Variants in NRXN3 observed in about 807,000 individuals in gnomAD.
NRXN3 encodes neurexin III.
NRXN3 carries 32 observed loss-of-function variants against 137.6 expected under a neutral mutation model. That is an observed-to-expected ratio of 0.23 (90% CI 0.18 to 0.31). NRXN3 has a LOEUF of 0.31. Among genes scored for constraint, NRXN3 ranks in the 10% least tolerant of loss-of-function variants. The probability of loss-of-function intolerance (pLI) is 1.00; values close to 1 mark genes in which losing one functional copy is unlikely to be tolerated. For synonymous variants in NRXN3, 798 were observed against 784.5 expected (o/e 1.02, Z -0.29); for missense variants, 1,574 against 2,062.5 (o/e 0.76, Z 4.59).
rs2071066919 is a variant in NRXN3, at chr14:79,227,140, A to AAAT, written c.3262+239000_3262+239001insATA. On this transcript the variant is annotated intron_variant, in intron 15 of 20. Transcript: ENST00000335750. ...GCCTACATCCATTTTAAAATGAAAA[A>AAAT]ATATATATATATGTAATTTATTTGA... Among the ~76,000 whole-genome samples the AAAT allele has an allele frequency of 3.3e-5, 5 of 151,708 alleles. No homozygotes were observed. In the East Asian group the frequency reaches 9.7e-4, roughly 30 times the overall value.
At chr14:79,609,917 A>G (rs221518) in intron 16 of NRXN3, among the ~76,000 whole-genome samples, 62,027 of 151,326 alleles carry the variant, frequency 0.41, 13,156 homozygotes, top group Middle Eastern at 0.64. Context: ...ATGGACACAG[A>G]GAGGGGAACA....
chr14:78,974,999 TAGTG>T (rs2099459540), intron 14 of NRXN3, among the ~76,000 whole-genome samples: 1 of 152,160 alleles, frequency 6.6e-6, no homozygotes. Flanking sequence ...GTGGTTGGGG[TAGTG>T]TTTTATTTTT....
At chr14:79,562,535 T>C (rs2097508293) in intron 16 of NRXN3, among the ~76,000 whole-genome samples, 1 of 152,222 alleles carries the variant, frequency 6.6e-6, no homozygotes, top group Admixed American at 6.5e-5. Flanking sequence ...ACAAAAATGC[T>C]GGCATCAGAT....
intron 4 of NRXN3, among the ~76,000 whole-genome samples, chr14:78,620,922 C>G (rs61976097): frequency 0.05 from 7,628 of 152,192 alleles, 260 homozygotes; most frequent in Middle Eastern, 0.15. Context: ...AAGGACCAAA[C>G]AAGTTAAGAG....
chr14:78,728,945 G>A (rs2098500949), intron 8 of NRXN3, among the ~76,000 whole-genome samples: 1 of 152,108 alleles, frequency 6.6e-6, no homozygotes, highest in African/African-American at 2.4e-5. Flanking sequence ...TTGAATCCCA[G>A]TTCCATTGCT....
At chr14:78,974,649 A>G (rs1011452719) in intron 14 of NRXN3, among the ~76,000 whole-genome samples, 2 of 152,240 alleles carry the variant, frequency 1.3e-5, no homozygotes, top group Middle Eastern at 3.4e-3. Context: ...TCTTGTAATG[A>G]CTTGACAGTC....
intron 4 of NRXN3, among the ~76,000 whole-genome samples, chr14:78,421,569 A>AT (rs112886453): frequency 4.0e-4 from 61 of 152,202 alleles, no homozygotes; most frequent in African/African-American, 1.4e-3. Context: ...TACTTTCTTG[A>AT]TTTTTTTAAG....
chr14:78,706,962 C>A (rs1212984691), intron 6 of NRXN3, among the ~76,000 whole-genome samples: 1 of 152,090 alleles, frequency 6.6e-6, no homozygotes, highest in Admixed American at 6.5e-5. Flanking sequence ...AACTTTGTCT[C>A]ACAGATATGG....
chr14:79,853,349 A>G (rs1041844726), intron 20 of NRXN3, among the ~76,000 whole-genome samples: 6 of 152,228 alleles, frequency 3.9e-5, no homozygotes, highest in Non-Finnish European at 7.3e-5. Context: ...TTAGTAGGAA[A>G]AAGTTTAACT....
rs1412794491 is a variant in NRXN3, at chr14:78,463,393, C to A, written c.757+165533C>A. On this transcript the variant is annotated intron_variant, in intron 4 of 20. Transcript: ENST00000335750. ...CAGTGTCTTTTTAATATAATGATTT[C>A]TTCTCCTTTGGGTAGATACCCAGTA... Among the ~76,000 whole-genome samples the A allele has an allele frequency of 3.3e-5, 5 of 151,856 alleles. No homozygotes were observed. The East Asian group carries it at 9.8e-4, about 30-fold the overall frequency.
At chr14:79,326,754 C>G (rs1008961655) in intron 15 of NRXN3, among the ~76,000 whole-genome samples, 2 of 152,198 alleles carry the variant, frequency 1.3e-5, no homozygotes, top group African/African-American at 4.8e-5. Context: ...TTATTGAACT[C>G]TGCCAGATGG....
intron 4 of NRXN3, among the ~76,000 whole-genome samples, chr14:78,400,915 G>A (rs980072728): frequency 9.9e-5 from 15 of 152,112 alleles, no homozygotes; most frequent in Admixed American, 6.5e-5. Flanking sequence ...ACATACCTGA[G>A]ACTGGGGAAT....
intron 4 of NRXN3, among the ~76,000 whole-genome samples, chr14:78,623,656 T>C (rs551977715): frequency 2.6e-5 from 4 of 152,156 alleles, no homozygotes; most frequent in Non-Finnish European, 5.9e-5. Context: ...AACCTCCGCC[T>C]CCCAGGTTCA....
In NRXN3 at chr14:78,207,457, G is replaced by T. The variant is rs59857748; in HGVS notation, c.-703-34934G>T. Among the ~76,000 whole-genome samples, 1,080 of 152,164 alleles carry T rather than the reference G, an allele frequency of 7.1e-3. 39 individuals are homozygous for T. The East Asian group carries it at 0.1, about 14-fold the overall frequency. On this transcript the variant is annotated intron_variant, in intron 1 of 20. Coordinates refer to ENST00000335750, the MANE Select transcript of NRXN3 (RefSeq NM_001330195.2). ...AGACACCTTATATTACCGGGCTTCT[G>T]GTCCTCTCCACCCACAGGCACATCA...
intron 10 of NRXN3, among the ~76,000 whole-genome samples, chr14:78,819,146 T>C (rs951139826): frequency 6.6e-5 from 10 of 152,152 alleles, no homozygotes; most frequent in Admixed American, 2.6e-4. Context: ...TTTCAGGGAC[T>C]GTAATTTTAG....
intron 10 of NRXN3, among the ~76,000 whole-genome samples, chr14:78,884,533 AGATAT>A (rs2099137781): frequency 6.6e-6 from 1 of 152,166 alleles, no homozygotes; most frequent in Admixed American, 6.5e-5. Context: ...TTAGGTTTCT[AGATAT>A]GATAAGACTA....
chr14:79,064,751 A>ATG (rs1568164719), intron 15 of NRXN3, among the ~76,000 whole-genome samples: 241 of 147,604 alleles, frequency 1.6e-3, no homozygotes, highest in African/African-American at 5.1e-3. Flanking sequence ...ATATATATAT[A>ATG]TAATTACCCA....
chr14:79,816,914 G>A (rs2099253179), intron 20 of NRXN3, among the ~76,000 whole-genome samples: 1 of 152,188 alleles, frequency 6.6e-6, no homozygotes, highest in African/African-American at 2.4e-5. Context: ...TCATTGCTCT[G>A]TAAAAGAGTT....
chr14:79,851,221 C>A (rs1385724135), intron 20 of NRXN3, among the ~76,000 whole-genome samples: 2 of 152,110 alleles, frequency 1.3e-5, no homozygotes, highest in Non-Finnish European at 2.9e-5. Flanking sequence ...AATTGTAGAA[C>A]TTTATTCTAC....
Sources: allele counts gnomAD v4.1 joint callset (sites outside exome capture counted in the v4.1 genomes callset), GRCh38; gene constraint gnomAD v4.1.1; transcripts MANE v1.5; gene names NCBI Gene and HGNC (gene_info 2026-07-23, HGNC 2026-07-21).